UTRN: variants seen among roughly 807,000 people sequenced by gnomAD.
UTRN encodes the protein dystrophin-related protein 1.
UTRN carries 283 observed loss-of-function variants against 463.9 expected under a neutral mutation model. The observed-to-expected ratio is 0.61, with a 90% confidence interval of 0.55 to 0.67. UTRN has a LOEUF of 0.67. Among genes scored for constraint, UTRN ranks in the 30% least tolerant of loss-of-function variants. The pLI is 0.00. For missense variants in UTRN, 3,922 were observed against 4,084.3 expected, an observed-to-expected ratio of 0.96 and a Z score of 1.08; for synonymous variants, 1,442 against 1,431.5, an observed-to-expected ratio of 1.01 and a Z score of -0.17.
intron 2 of UTRN, among the ~76,000 whole-genome samples, chr6:144,303,220 G>T: frequency 6.6e-6 from 1 of 152,136 alleles, no homozygotes; most frequent in South Asian, 2.1e-4. Context: ...GTGAAAAGTG[G>T]TTAGCAGTTA....
rs369939144 is a variant in UTRN, at chr6:144,501,534, T to G, written c.4764+2107T>G. Among the ~76,000 whole-genome samples the G allele has an allele frequency of 1.5e-3, 227 of 152,330 alleles. 2 individuals are homozygous for G. Among genetic ancestry groups the G allele is most frequent in the African/African-American group, 5.1e-3 (214 of 41,588 alleles). ...TTGTTGTAACTAGTATTTATTGACC[T>G]TCTTTTAAAAACTTACATCTTTGGC... On this transcript the variant is annotated intron_variant, in intron 34 of 74. Coordinates refer to ENST00000367545, the MANE Select transcript of UTRN (RefSeq NM_007124.3).
chr6:144,447,656 A>C lies in UTRN; in HGVS notation c.1777A>C (p.Ile593Leu). The C allele has an allele frequency of 6.2e-7, 1 of 1,614,050 alleles. No homozygotes were observed. The highest frequency in any genetic ancestry group is 8.5e-7 in the Non-Finnish European group (1 of 1,179,948). ...TCAAACATTGGATCAGCTGAGTGAG[A>C]TTGGCCAGGATGTGGGACAATTACT... ...KRQTLDQLSE[I>L]GQDVGQLLDN... The change falls in exon 16 of 75, where the codon ATT becomes CTT. Residue 593 changes from isoleucine (I) to leucine (L), a missense_variant. Coordinates refer to ENST00000367545, the MANE Select transcript of UTRN (RefSeq NM_007124.3).
chr6:144,693,377 C>CT (rs1166543946), intron 52 of UTRN, among the ~76,000 whole-genome samples: 1 of 152,042 alleles, frequency 6.6e-6, no homozygotes, highest in Non-Finnish European at 1.5e-5. Flanking sequence ...CTATTGTGCT[C>CT]TTTTTTGGTT....
At chr6:144,620,099 T>C (rs1368267529) in intron 51 of UTRN, among the ~76,000 whole-genome samples, 1 of 152,204 alleles carries the variant, frequency 6.6e-6, no homozygotes, top group African/African-American at 2.4e-5. Context: ...TGCATCACTT[T>C]AGATGCCTTC....
chr6:144,660,651 G>A (rs1227247137), intron 51 of UTRN, among the ~76,000 whole-genome samples: 1 of 152,184 alleles, frequency 6.6e-6, no homozygotes, highest in Non-Finnish European at 1.5e-5. Flanking sequence ...TCGTAGGCAT[G>A]GGTTCTGTTC....
At chr6:144,842,195 A>G (rs956470376) in intron 73 of UTRN, among the ~76,000 whole-genome samples, 3 of 151,368 alleles carry the variant, frequency 2.0e-5, no homozygotes, top group Non-Finnish European at 4.4e-5. Flanking sequence ...AATAAGATAT[A>G]TTGACTTCAT....
chr6:144,831,677 G>C (rs1048280185), intron 69 of UTRN, among the ~76,000 whole-genome samples: 6 of 152,174 alleles, frequency 3.9e-5, no homozygotes, highest in African/African-American at 1.4e-4. Context: ...GAAAAATTGA[G>C]CAGTGACATC....
intron 2 of UTRN, among the ~76,000 whole-genome samples, chr6:144,302,923 TGG>T (rs1805416119): frequency 6.6e-6 from 1 of 152,044 alleles, no homozygotes; most frequent in African/African-American, 2.4e-5. Flanking sequence ...GCTGGGGTAA[TGG>T]GGATGATGGG....
chr6:144,762,837 C>T (rs373604750), intron 58 of UTRN, among the ~76,000 whole-genome samples: 1 of 152,178 alleles, frequency 6.6e-6, no homozygotes, highest in South Asian at 2.1e-4. Context: ...TCTATACATC[C>T]GGCCTGTTGG....
chr6:144,552,227 T>C (rs1403983073), intron 48 of UTRN, among the ~76,000 whole-genome samples: 1 of 152,252 alleles, frequency 6.6e-6, no homozygotes, highest in Non-Finnish European at 1.5e-5. Flanking sequence ...AAAATAGTCA[T>C]GGTAGCAACA....
In UTRN at chr6:144,852,979, T is replaced by C. The variant is rs1029851431; in HGVS notation, c.*1982T>C. The C allele has an allele frequency of 2.0e-5, 3 of 152,362 alleles. No individual in the cohort carries two copies. Among genetic ancestry groups the C allele is most frequent in the East Asian group, 1.9e-4 (1 of 5,206 alleles). The allele number at this position is 152,362 out of a possible 1,614,324, so 9.4% of individuals were successfully genotyped here. A position where few individuals can be genotyped will look rare whatever the true frequency, so the allele number is the denominator to read the frequency against. Reference sequence around the variant, plus strand: ...GTAAAGAACTAATCACAGACTATCATCTAATCTGGTTACATATTGTATTTT... The same window carrying C: ...GTAAAGAACTAATCACAGACTATCACCTAATCTGGTTACATATTGTATTTT... On this transcript the variant is annotated 3_prime_UTR_variant, in exon 75 of 75. Coordinates refer to ENST00000367545, the MANE Select transcript of UTRN (RefSeq NM_007124.3).
At chr6:144,470,870 A>G (rs1562450365) in intron 23 of UTRN, among the ~76,000 whole-genome samples, 1 of 151,774 alleles carries the variant, frequency 6.6e-6, no homozygotes. Context: ...ACCAAAAAAT[A>G]CAAAAACCAG....
At chr6:144,597,669 C>A (rs1444111238) in intron 51 of UTRN, among the ~76,000 whole-genome samples, 1 of 152,158 alleles carries the variant, frequency 6.6e-6, no homozygotes, top group African/African-American at 2.4e-5. Context: ...AGTTTCTATT[C>A]TTAAGCTCTA....
rs6929973 is a variant in UTRN at position 144,694,647 on chromosome 6, A to G, written c.7653-5440A>G. Among the ~76,000 whole-genome samples the G allele has an allele frequency of 9.2e-3, 1,394 of 152,078 alleles. 17 individuals are homozygous for G. Among genetic ancestry groups the G allele is most frequent in the African/African-American group, 0.032 (1,334 of 41,476 alleles). The stretch of plus-strand genomic sequence containing the variant: ...AATGTATGTGTCCAGGAATTTATCC[A>G]TTTCTTCTAGATTTTCTAGTTTATG... On this transcript the variant is annotated intron_variant, in intron 52 of 74. Transcript: ENST00000367545.
intron 51 of UTRN, among the ~76,000 whole-genome samples, chr6:144,580,374 C>T (rs1415546073): frequency 6.6e-6 from 1 of 152,164 alleles, no homozygotes. Flanking sequence ...TGTCTTATGA[C>T]AACCAGATCC....
intron 42 of UTRN, 39 bp downstream of exon 42, chr6:144,531,241 G>C: frequency 6.2e-7 from 1 of 1,605,640 alleles, no homozygotes; most frequent in Non-Finnish European, 8.5e-7. Flanking sequence ...CTGCACATAT[G>C]GTTAGTGTAT....
intron 34 of UTRN, among the ~76,000 whole-genome samples, chr6:144,507,269 A>G (rs566224548): frequency 4.6e-5 from 7 of 152,016 alleles, no homozygotes; most frequent in African/African-American, 9.6e-5. Context: ...ACTTCTGTCA[A>G]TTCATCAAAC....
At chr6:144,331,292 A>G (rs949113102) in intron 2 of UTRN, among the ~76,000 whole-genome samples, 5 of 152,210 alleles carry the variant, frequency 3.3e-5, no homozygotes, top group African/African-American at 1.2e-4. Context: ...AACCTTGTAA[A>G]TCATCTAGGA....
intron 51 of UTRN, among the ~76,000 whole-genome samples, chr6:144,589,469 G>A (rs1802790790): frequency 6.6e-6 from 1 of 152,164 alleles, no homozygotes; most frequent in Non-Finnish European, 1.5e-5. Context: ...TGCTCAGCTA[G>A]TATGCGGTGC....
Sources: allele counts gnomAD v4.1 joint callset (sites outside exome capture counted in the v4.1 genomes callset), GRCh38; gene constraint gnomAD v4.1.1; transcripts MANE v1.5; gene names NCBI Gene and HGNC (gene_info 2026-07-23, HGNC 2026-07-21).